The following GTF2A1 variants were observed in gnomAD, a reference collection of about 807,000 sequenced individuals.
GTF2A1 encodes the protein general transcription factor IIA subunit 1.
GTF2A1 carries 12 observed loss-of-function variants against 54.1 expected under a neutral mutation model. The ratio of observed to expected loss-of-function variants is 0.22; its 90% CI spans 0.14 to 0.36. The LOEUF is 0.36. Ranked by LOEUF, GTF2A1 falls within the 10% of genes least tolerant of loss-of-function variation. GTF2A1 has a pLI of 1.00. For missense variants in GTF2A1, 335 were observed against 442.2 expected, an observed-to-expected ratio of 0.76 and a Z score of 2.17; for synonymous variants, 145 against 152.0, an observed-to-expected ratio of 0.95 and a Z score of 0.34.
intron 3 of GTF2A1, chr14:81,202,925 C>A (rs893399679): frequency 1.0e-5 from 4 of 392,308 alleles, no homozygotes; most frequent in African/African-American, 8.4e-5. Context: ...GTAAAATAAC[C>A]CAAATACTCT....
intron 1 of GTF2A1, among the ~76,000 whole-genome samples, chr14:81,218,564 G>C (rs1374773005): frequency 6.6e-6 from 1 of 152,062 alleles, no homozygotes; most frequent in Non-Finnish European, 1.5e-5. Flanking sequence ...ACTAATACTT[G>C]AGGCAAAGTT....
At chr14:81,196,927 C>A in intron 5 of GTF2A1, among the ~76,000 whole-genome samples, 1 of 152,082 alleles carries the variant, frequency 6.6e-6, no homozygotes, top group Non-Finnish European at 1.5e-5. Context: ...TTATAGGGAA[C>A]ACTTAAAATC....
intron 1 of GTF2A1, among the ~76,000 whole-genome samples, chr14:81,220,212 C>G (rs1396903488): frequency 6.9e-6 from 1 of 145,982 alleles, no homozygotes; most frequent in African/African-American, 2.5e-5. Context: ...CGCGCCCGAC[C>G]GGGCCCAACC....
chr14:81,203,888 G>A lies in GTF2A1; in HGVS notation c.337+12C>T, dbSNP rs2140163640. On this transcript the variant is annotated intron_variant, in intron 3 of 8. Transcript: ENST00000553612. Reference sequence around the variant, plus strand: ...TTCCAAGTCATAAGTAGGAAAACAAGTCCAGTCTCACCTTGCTGTGATGCA... The same window carrying A: ...TTCCAAGTCATAAGTAGGAAAACAAATCCAGTCTCACCTTGCTGTGATGCA... The A allele has an allele frequency of 6.3e-7, 1 of 1,598,538 alleles. No individual in the cohort carries two copies. The highest frequency in any genetic ancestry group is 8.6e-7 in the Non-Finnish European group (1 of 1,165,828).
chr14:81,208,702 G>A (rs777991743), intron 2 of GTF2A1, among the ~76,000 whole-genome samples: 1 of 152,162 alleles, frequency 6.6e-6, no homozygotes, highest in Non-Finnish European at 1.5e-5. Context: ...GCAAAGCCAC[G>A]GGGCAGAGTT....
chr14:81,201,089 C>T (rs1893100008), intron 4 of GTF2A1, among the ~76,000 whole-genome samples: 1 of 152,046 alleles, frequency 6.6e-6, no homozygotes, highest in African/African-American at 2.4e-5. Flanking sequence ...TCTAATATAA[C>T]TCAGCTGGTT....
rs1327414097 is a variant in GTF2A1 at position 81,177,789 on chromosome 14, A to G, written c.*2434T>C. ...AAAGCATGATTAAGAATTCAAGTACAATAAAAGATAAGCAAGTGACATTCT... is the reference window on the plus strand; with the variant it reads ...AAAGCATGATTAAGAATTCAAGTACGATAAAAGATAAGCAAGTGACATTCT... On this transcript the variant is annotated 3_prime_UTR_variant, in exon 9 of 9. Transcript: ENST00000553612. The G allele has an allele frequency of 2.0e-5, 3 of 152,162 alleles. No homozygotes were observed. The highest frequency in any genetic ancestry group is 4.4e-5 in the Non-Finnish European group (3 of 67,988). The allele number at this position is 152,162 out of a possible 1,614,324, so 9.4% of individuals were successfully genotyped here. A position where few individuals can be genotyped will look rare whatever the true frequency, so the allele number is the denominator to read the frequency against.
Position 81,209,854 on chromosome 14 carries a change from T to C in GTF2A1, c.133-5750A>G, listed in dbSNP as rs1178210890. On this transcript the variant is annotated intron_variant, in intron 2 of 8. Transcript: ENST00000553612. Reference sequence around the variant, plus strand: ...ACTGCCTCCATGCATAAAAGACATTTCTATTTTGTACTTACCACACAAAGT... The same window carrying C: ...ACTGCCTCCATGCATAAAAGACATTCCTATTTTGTACTTACCACACAAAGT... 1.1e-5 allele frequency: 13 copies of C among 1,152,064 alleles called. No individual in the cohort carries two copies. The South Asian group carries it at 1.3e-4, about 11-fold the overall frequency. The allele number at this position is 1,152,064 out of a possible 1,614,324, so 71.4% of individuals were successfully genotyped here.
intron 7 of GTF2A1, among the ~76,000 whole-genome samples, chr14:81,187,456 GTA>G (rs1892775559): frequency 6.6e-6 from 1 of 151,966 alleles, no homozygotes; most frequent in Admixed American, 6.6e-5. Flanking sequence ...CATTTACAGT[GTA>G]TATAACACTC....
chr14:81,193,899 G>C lies in GTF2A1; in HGVS notation c.613-1060C>G, dbSNP rs192001763. ...TTACACGTGGTGTAACAACACAAAA[G>C]ACAAAAAAATGGTATAATAGACAAA... On this transcript the variant is annotated intron_variant, in intron 6 of 8. Coordinates refer to ENST00000553612, the MANE Select transcript of GTF2A1 (RefSeq NM_015859.4). Among the ~76,000 whole-genome samples, 33 of 151,752 alleles carry C rather than the reference G, an allele frequency of 2.2e-4. No homozygotes were observed. In the East Asian group the frequency reaches 6.2e-3, roughly 29 times the overall value.
rs1028425326 is a variant in GTF2A1, at chr14:81,195,886, C to T, written c.612+222G>A. Among the ~76,000 whole-genome samples the T allele has an allele frequency of 2.6e-5, 4 of 151,942 alleles. No homozygotes were observed. In the South Asian group the frequency reaches 6.2e-4, roughly 24 times the overall value. ...GCTGGAAGGAGAGTGCTGCCACCTT[C>T]GAGGGGATGATGAAGGATGGGCAGA... On this transcript the variant is annotated intron_variant, in intron 6 of 8. Coordinates refer to ENST00000553612, the MANE Select transcript of GTF2A1 (RefSeq NM_015859.4).
intron 8 of GTF2A1, among the ~76,000 whole-genome samples, chr14:81,183,567 A>G (rs2140146390): frequency 6.6e-6 from 1 of 152,358 alleles, no homozygotes; most frequent in Middle Eastern, 3.4e-3. Flanking sequence ...TCACAACTTA[A>G]AAAGCAATCT....
intron 2 of GTF2A1, among the ~76,000 whole-genome samples, chr14:81,213,190 GA>G (rs1332796548): frequency 6.6e-6 from 1 of 152,202 alleles, no homozygotes; most frequent in African/African-American, 2.4e-5. Flanking sequence ...CATCGTGGTA[GA>G]AGCTGGGGAT....
At chr14:81,189,714 T>A in intron 7 of GTF2A1, among the ~76,000 whole-genome samples, 1 of 151,780 alleles carries the variant, frequency 6.6e-6, no homozygotes. Flanking sequence ...CAAGGATACA[T>A]AAAGAGCATC....
Position 81,196,177 on chromosome 14 carries a change from T to C in GTF2A1, c.543A>G (p.Ser181=). Residue 181 remains serine (S), a synonymous_variant, in exon 6 of 9, where the codon TCA becomes TCG. Transcript: ENST00000553612. ...GTATAACCTGTTGTTGTAGAACCAC[T>C]GACTGCTGAGGCTGAAAGATATATT... is the stretch of plus-strand genomic sequence containing the variant. ...GAQYIFQPQQ[S]VVLQQQVIPQ... 1.2e-6 allele frequency: 2 copies of C among 1,613,934 alleles called. No homozygotes were observed. Among genetic ancestry groups the C allele is most frequent in the East Asian group, 2.2e-5 (1 of 44,874 alleles).
chr14:81,208,055 A>G (rs1014376243), intron 2 of GTF2A1, among the ~76,000 whole-genome samples: 39 of 152,376 alleles, frequency 2.6e-4, no homozygotes, highest in Middle Eastern at 3.4e-3. Flanking sequence ...AGAAATTTGC[A>G]TAAGTAGCAA....
intron 2 of GTF2A1, among the ~76,000 whole-genome samples, chr14:81,205,634 T>C (rs1167515209): frequency 6.6e-6 from 1 of 152,262 alleles, no homozygotes; most frequent in Non-Finnish European, 1.5e-5. Context: ...CAGTTAGTCC[T>C]GGTTTGGCCA....
chr14:81,206,516 G>C (rs1893233873), intron 2 of GTF2A1, among the ~76,000 whole-genome samples: 1 of 152,174 alleles, frequency 6.6e-6, no homozygotes, highest in South Asian at 2.1e-4. Flanking sequence ...AGACATTCCA[G>C]CGGACACTTG....
rs939904802 is a variant in GTF2A1, at chr14:81,177,217, GC to G, written c.*3005del. ...AATCTTAGAACAAGAAAGTGGCTTT[GC>G]TTTTAAAAGAGGCAACAGTGTAAAT... On this transcript the variant is annotated 3_prime_UTR_variant, in exon 9 of 9. Transcript: ENST00000553612. The G allele has an allele frequency of 6.6e-6, 1 of 152,088 alleles. No homozygotes were observed. Among genetic ancestry groups the G allele is most frequent in the African/African-American group, 2.4e-5 (1 of 41,432 alleles). 9.4% of individuals were successfully genotyped at this position (152,088 alleles called of 1,614,324 possible).
Sources: gnomAD v4.1 joint callset for allele counts (sites outside exome capture counted in the v4.1 genomes callset) on GRCh38, gnomAD v4.1.1 for gene constraint, MANE v1.5 for transcripts, NCBI Gene and HGNC (gene_info 2026-07-23, HGNC 2026-07-21) for gene names.